CAMK2D: variants seen among roughly 807,000 people sequenced by gnomAD.
CAMK2D encodes calcium/calmodulin-dependent protein kinase type II subunit delta.
In CAMK2D, 37 loss-of-function variants were observed where a neutral mutation model predicts 84.0. The observed-to-expected ratio is 0.44, with a 90% confidence interval of 0.34 to 0.58. The LOEUF is 0.58. CAMK2D is among the 20% of genes least tolerant of loss of function. CAMK2D has a pLI of 0.02. For synonymous variants in CAMK2D, 202 were observed against 212.5 expected (o/e 0.95, Z 0.43); for missense variants, 448 against 652.5 (o/e 0.69, Z 3.41).
intron 4 of CAMK2D, among the ~76,000 whole-genome samples, chr4:113,554,341 C>T (rs959356706): frequency 5.9e-5 from 9 of 152,000 alleles, no homozygotes; most frequent in Non-Finnish European, 1.3e-4. Context: ...CAAAGTTTAG[C>T]TATACATGGC....
At chr4:113,727,237 T>TA (rs1353656771) in intron 2 of CAMK2D, among the ~76,000 whole-genome samples, 1 of 152,184 alleles carries the variant, frequency 6.6e-6, no homozygotes, top group Non-Finnish European at 1.5e-5. Flanking sequence ...CAACTCTCTG[T>TA]AAATTTATAT....
chr4:113,465,570 T>C lies in CAMK2D; in HGVS notation c.1170A>G (p.Gln390=). 6.2e-7 allele frequency: 1 copy of C among 1,613,234 alleles called. No homozygotes were observed. Among genetic ancestry groups the C allele is most frequent in the Non-Finnish European group, 8.5e-7 (1 of 1,179,238 alleles). The change falls in exon 17 of 21, where the codon CAA becomes CAG. Residue 390 remains glutamine, a synonymous_variant. Coordinates refer to ENST00000511664, the MANE Select transcript of CAMK2D (RefSeq NM_001321571.2). ...CCCCATTGTTGATAGCTTCGATCAGTTGTTCAGTGACTTTGATAATCTCTT... is the reference window on the plus strand; with the variant it reads ...CCCCATTGTTGATAGCTTCGATCAGCTGTTCAGTGACTTTGATAATCTCTT... ...RKQEIIKVTE[Q]LIEAINNGDF...
At chr4:113,615,548 C>G (rs2099017665) in intron 3 of CAMK2D, among the ~76,000 whole-genome samples, 1 of 151,990 alleles carries the variant, frequency 6.6e-6, no homozygotes, top group Non-Finnish European at 1.5e-5. Context: ...CCAAATCTCT[C>G]TATGTGGTTT....
At chr4:113,478,952 A>C (rs1429352717) in intron 16 of CAMK2D, among the ~76,000 whole-genome samples, 1 of 152,148 alleles carries the variant, frequency 6.6e-6, no homozygotes, top group African/African-American at 2.4e-5. Flanking sequence ...CTTTTCCTGA[A>C]ATCCAAATTC....
chr4:113,573,408 T>C (rs1591411508), intron 4 of CAMK2D, among the ~76,000 whole-genome samples: 2 of 152,206 alleles, frequency 1.3e-5, no homozygotes, highest in East Asian at 3.8e-4. Flanking sequence ...TGCTCTCCTT[T>C]TGGGAACGAA....
At chr4:113,675,455 A>G (rs183407357) in intron 2 of CAMK2D, among the ~76,000 whole-genome samples, 1 of 152,344 alleles carries the variant, frequency 6.6e-6, no homozygotes, top group East Asian at 1.9e-4. Context: ...AAAAGTTTAC[A>G]AACATGAATG....
intron 2 of CAMK2D, among the ~76,000 whole-genome samples, chr4:113,756,556 A>T (rs1191166448): frequency 6.6e-6 from 1 of 151,986 alleles, no homozygotes; most frequent in African/African-American, 2.4e-5. Context: ...TATTTTAAAA[A>T]TTTTTCTGCA....
At chr4:113,759,168 G>T (rs1594259857) in intron 2 of CAMK2D, 152 bp downstream of exon 2, 1 of 456,208 alleles carries the variant, frequency 2.2e-6, no homozygotes, top group East Asian at 3.2e-5. Flanking sequence ...TACAGACCAA[G>T]AAGCATTCAG....
At chr4:113,544,647 T>C in intron 6 of CAMK2D, among the ~76,000 whole-genome samples, 1 of 152,224 alleles carries the variant, frequency 6.6e-6, no homozygotes. Context: ...GCTTGATAAA[T>C]GGCATCTTTT....
chr4:113,495,748 A>G (rs1590167677), intron 16 of CAMK2D, among the ~76,000 whole-genome samples: 1 of 152,108 alleles, frequency 6.6e-6, no homozygotes, highest in Non-Finnish European at 1.5e-5. Flanking sequence ...AAGTCTCCAC[A>G]CACAGTCTCA....
intron 2 of CAMK2D, among the ~76,000 whole-genome samples, chr4:113,692,713 T>C (rs1481407179): frequency 2.6e-5 from 4 of 151,996 alleles, no homozygotes; most frequent in Admixed American, 6.6e-5. Context: ...TACATATTCA[T>C]ATATACATAC....
Position 113,644,925 on chromosome 4 carries a change from C to G in CAMK2D, c.220+16788G>C, listed in dbSNP as rs187940995. Reference sequence around the variant, plus strand: ...AGTCATCTCACTGTAGAGCAGGGGTCAGGAAACTATAGCTCAATTGCCAAA... The same window carrying G: ...AGTCATCTCACTGTAGAGCAGGGGTGAGGAAACTATAGCTCAATTGCCAAA... On this transcript the variant is annotated intron_variant, in intron 3 of 20. Transcript: ENST00000511664. Among the ~76,000 whole-genome samples, 19 of 152,296 alleles carry G rather than the reference C, an allele frequency of 1.2e-4. No individual in the cohort carries two copies. In the East Asian group the frequency reaches 3.7e-3, roughly 29 times the overall value.
chr4:113,660,228 T>G (rs2099223224), intron 3 of CAMK2D, among the ~76,000 whole-genome samples: 1 of 152,190 alleles, frequency 6.6e-6, no homozygotes, highest in South Asian at 2.1e-4. Flanking sequence ...TATCACAGAA[T>G]CCAGTTTACA....
At chr4:113,506,679 T>C (rs1241777698) in intron 13 of CAMK2D, among the ~76,000 whole-genome samples, 1 of 152,234 alleles carries the variant, frequency 6.6e-6, no homozygotes, top group Non-Finnish European at 1.5e-5. Flanking sequence ...GGGGCACTTA[T>C]GGTTAAAGCA....
Position 113,465,602 on chromosome 4 carries a change from G to A in CAMK2D, c.1138C>T (p.Arg380Ter). 1.2e-6 allele frequency: 2 copies of A among 1,602,528 alleles called. No individual in the cohort carries two copies. The highest frequency in any genetic ancestry group is 1.7e-6 in the Non-Finnish European group (2 of 1,169,970). The change falls in exon 17 of 21, where the codon CGA becomes TGA. Residue 380 changes from arginine to a stop codon, truncating the protein, a stop_gained and splice_region_variant. Transcript: ENST00000511664. LOFTEE classifies it high-confidence loss of function. Reference sequence around the variant, plus strand: ...GTGACTTTGATAATCTCTTGCTTTCGTGCTAAAGGCAAAAATATGGAGTTG... The same window carrying A: ...GTGACTTTGATAATCTCTTGCTTTCATGCTAAAGGCAAAAATATGGAGTTG... ...TTIEDEDVKA[R>*]KQEIIKVTEQ...
intron 3 of CAMK2D, among the ~76,000 whole-genome samples, chr4:113,630,814 C>T (rs1293091858): frequency 6.6e-6 from 1 of 152,188 alleles, no homozygotes; most frequent in African/African-American, 2.4e-5. Context: ...AGCCTAGTGA[C>T]ATGCCTGCAC....
At chr4:113,550,870 C>T (rs572846327) in intron 5 of CAMK2D, among the ~76,000 whole-genome samples, 1 of 152,230 alleles carries the variant, frequency 6.6e-6, no homozygotes, top group East Asian at 1.9e-4. Flanking sequence ...AAAATTAGAG[C>T]GTAGTCATGT....
At chr4:113,579,837 A>G (rs2098800074) in intron 4 of CAMK2D, among the ~76,000 whole-genome samples, 1 of 152,248 alleles carries the variant, frequency 6.6e-6, no homozygotes, top group Non-Finnish European at 1.5e-5. Context: ...ATTAAAAACC[A>G]GAAAAAGAAT....
intron 2 of CAMK2D, among the ~76,000 whole-genome samples, chr4:113,758,168 T>G (rs764863623): frequency 1.6e-4 from 25 of 152,188 alleles, no homozygotes; most frequent in Non-Finnish European, 2.4e-4. Context: ...ATAATTAACA[T>G]AATATTCTTC....
Sources: gnomAD v4.1 joint callset for allele counts (sites outside exome capture counted in the v4.1 genomes callset) on GRCh38, gnomAD v4.1.1 for gene constraint, MANE v1.5 for transcripts, NCBI Gene and HGNC (gene_info 2026-07-23, HGNC 2026-07-21) for gene names.